The following DYNC1I2 variants were observed in gnomAD, a reference collection of about 807,000 sequenced individuals.
DYNC1I2 encodes dynein cytoplasmic 1 intermediate chain 2, also known as cytoplasmic dynein 1 intermediate chain 2.
Under a neutral mutation model 88.6 loss-of-function variants are expected in DYNC1I2, and 53 were observed. The ratio of observed to expected loss-of-function variants is 0.60; its 90% CI spans 0.48 to 0.75. The LOEUF (loss-of-function observed/expected upper bound fraction) is 0.75, where lower values mean the gene tolerates loss of function less well. Ranked by LOEUF, DYNC1I2 falls within the 30% of genes least tolerant of loss-of-function variation. DYNC1I2 has a pLI of 0.00. For synonymous variants in DYNC1I2, 198 were observed against 254.6 expected, an observed-to-expected ratio of 0.78 and a Z score of 2.12; for missense variants, 458 against 766.6, an observed-to-expected ratio of 0.60 and a Z score of 4.75.
chr2:171,736,864 A>G (rs1326761988), intron 15 of DYNC1I2, among the ~76,000 whole-genome samples: 1 of 152,208 alleles, frequency 6.6e-6, no homozygotes, highest in East Asian at 1.9e-4. Context: ...TCTAGGAAGC[A>G]TCTCACTATT....
At chr2:171,717,869 C>G (rs1008431090) in intron 7 of DYNC1I2, among the ~76,000 whole-genome samples, 4 of 151,536 alleles carry the variant, frequency 2.6e-5, no homozygotes, top group African/African-American at 9.7e-5. Flanking sequence ...TACAATGCAT[C>G]TTGGATTTTT....
chr2:171,741,167 C>T (rs1048778945), intron 15 of DYNC1I2, among the ~76,000 whole-genome samples: 10 of 151,844 alleles, frequency 6.6e-5, no homozygotes, highest in Non-Finnish European at 4.4e-5. Context: ...TGAATGATAC[C>T]CCATTGTATA....
intron 5 of DYNC1I2, among the ~76,000 whole-genome samples, chr2:171,712,221 T>C (rs1574554452): frequency 6.6e-6 from 1 of 152,200 alleles, no homozygotes; most frequent in Non-Finnish European, 1.5e-5. Flanking sequence ...TTGGAAACTT[T>C]AGCTATTTTG....
intron 15 of DYNC1I2, among the ~76,000 whole-genome samples, chr2:171,732,485 C>T (rs1288227451): frequency 6.6e-6 from 1 of 152,156 alleles, no homozygotes; most frequent in Non-Finnish European, 1.5e-5. Flanking sequence ...ATAAATGCCA[C>T]AGGGATTTAA....
intron 3 of DYNC1I2, among the ~76,000 whole-genome samples, chr2:171,702,563 C>CTTAT (rs10650147): frequency 0.98 from 148,824 of 152,062 alleles, 72,915 homozygotes; most frequent in Middle Eastern, 1. Flanking sequence ...GAATGTACTC[C>CTTAT]TTATTAAATA....
intron 6 of DYNC1I2, among the ~76,000 whole-genome samples, chr2:171,714,662 C>T (rs1017674496): frequency 6.6e-6 from 1 of 152,122 alleles, no homozygotes; most frequent in Non-Finnish European, 1.5e-5. Context: ...ACAGAAGTGA[C>T]TTTAGTAGAT....
chr2:171,718,386 T>C (rs931900721), intron 7 of DYNC1I2, among the ~76,000 whole-genome samples: 1 of 152,240 alleles, frequency 6.6e-6, no homozygotes, highest in African/African-American at 2.4e-5. Context: ...GATACTGCTG[T>C]GTACAACCCA....
At chr2:171,743,110 T>G (rs956313814) in intron 15 of DYNC1I2, among the ~76,000 whole-genome samples, 1 of 152,190 alleles carries the variant, frequency 6.6e-6, no homozygotes, top group Admixed American at 6.5e-5. Context: ...CAACATAAAT[T>G]GTTGATTAAC....
intron 2 of DYNC1I2, among the ~76,000 whole-genome samples, chr2:171,690,979 C>T (rs563234558): frequency 1.3e-5 from 2 of 152,170 alleles, no homozygotes; most frequent in East Asian, 3.9e-4. Flanking sequence ...TATAATAACT[C>T]ATAAATATGG....
chr2:171,703,075 T>C (rs1388911358), intron 3 of DYNC1I2, among the ~76,000 whole-genome samples: 1 of 152,142 alleles, frequency 6.6e-6, no homozygotes, highest in African/African-American at 2.4e-5. Flanking sequence ...TGTTAGAGAT[T>C]CTTGAGAGCA....
rs1688225130 is a variant in DYNC1I2 at position 171,725,981 on chromosome 2, A to G, written c.670A>G (p.Ser224Gly). ...AATCTTGCACTCTGAGGAATTTTTA[A>G]GTTTCTTTGACCATTCTACAAGAAT... The part of the protein sequence containing the change: ...QQILHSEEFL[S>G]FFDHSTRIVE... Residue 224 changes from serine (S) to glycine (G), a missense_variant, in exon 9 of 18, where the codon AGT (serine) becomes GGT (glycine). Transcript: ENST00000397119. 4 of 1,597,232 alleles carry G rather than the reference A, an allele frequency of 2.5e-6. No homozygotes were observed. Among genetic ancestry groups the G allele is most frequent in the South Asian group, 1.1e-5 (1 of 87,004 alleles).
Position 171,733,459 on chromosome 2 carries a change from C to CTTTTTTTTTT in DYNC1I2, c.1536+3627_1536+3636dup, listed in dbSNP as rs61079902. On this transcript the variant is annotated intron_variant, in intron 15 of 17. Coordinates refer to ENST00000397119, the MANE Select transcript of DYNC1I2 (RefSeq NM_001378.3). ...TTTTTCTCCACAACCTTGCCAGCAT[C>CTTTTTTTTTT]TTTTTTTTTTTTTTTTTTTTTTTTT... is the stretch of plus-strand genomic sequence containing the variant. Among the ~76,000 whole-genome samples, 13 of 55,802 alleles carry CTTTTTTTTTT rather than the reference C, an allele frequency of 2.3e-4. 2 individuals are homozygous for CTTTTTTTTTT. Among genetic ancestry groups the CTTTTTTTTTT allele is most frequent in the East Asian group, 1.4e-3 (2 of 1,460 alleles). The allele number at this position is 55,802 out of a possible 152,430, so 36.6% of individuals were successfully genotyped here.
intron 11 of DYNC1I2, 25 bp from the exon 12 acceptor site, chr2:171,727,795 AG>A: frequency 6.3e-7 from 1 of 1,599,388 alleles, no homozygotes; most frequent in Non-Finnish European, 8.5e-7. Flanking sequence ...TTGAATCTCA[AG>A]TATAAAAATC....
intron 15 of DYNC1I2, among the ~76,000 whole-genome samples, chr2:171,739,360 A>G (rs1402084244): frequency 6.6e-6 from 1 of 152,078 alleles, no homozygotes; most frequent in African/African-American, 2.4e-5. Flanking sequence ...TTATTATGGA[A>G]AATCTCAGAT....
At chr2:171,688,364 G>T (rs925840345) in intron 1 of DYNC1I2, 1 of 152,188 alleles carries the variant, frequency 6.6e-6, no homozygotes, top group African/African-American at 2.4e-5. Flanking sequence ...CTTCTGTGAG[G>T]ATGAGAGGAT....
intron 7 of DYNC1I2, 58 bp from the exon 8 acceptor site, chr2:171,725,560 A>G: frequency 8.9e-7 from 1 of 1,120,432 alleles, no homozygotes. Context: ...TCATTAAAAT[A>G]ATTTATTATA....
At chr2:171,723,436 G>A (rs972889433) in intron 7 of DYNC1I2, among the ~76,000 whole-genome samples, 1 of 152,130 alleles carries the variant, frequency 6.6e-6, no homozygotes, top group African/African-American at 2.4e-5. Flanking sequence ...AGTTGAAATA[G>A]ATGTCCTATT....
chr2:171,712,485 A>T lies in DYNC1I2; in HGVS notation c.336-282A>T, dbSNP rs1303111371. On this transcript the variant is annotated intron_variant, in intron 5 of 17. Transcript: ENST00000397119. Reference sequence around the variant, plus strand: ...GTTGTTCTAAAGCAGATCTATTATTATACAATATTAGTTTCCCATAATCTG... The same window carrying T: ...GTTGTTCTAAAGCAGATCTATTATTTTACAATATTAGTTTCCCATAATCTG... 9.7e-6 allele frequency: 3 copies of T among 309,292 alleles called. No homozygotes were observed. The South Asian group carries it at 3.1e-4, about 32-fold the overall frequency. The allele number at this position is 309,292 out of a possible 1,614,324, so 19.2% of individuals were successfully genotyped here. A position where few individuals can be genotyped will look rare whatever the true frequency, so the allele number is the denominator to read the frequency against.
chr2:171,727,131 A>G (rs1008826135), intron 11 of DYNC1I2, among the ~76,000 whole-genome samples: 1 of 152,108 alleles, frequency 6.6e-6, no homozygotes, highest in Non-Finnish European at 1.5e-5. Flanking sequence ...ATCTCTTATA[A>G]TGTTTAATCA....
Sources: allele counts gnomAD v4.1 joint callset (sites outside exome capture counted in the v4.1 genomes callset), GRCh38; gene constraint gnomAD v4.1.1; transcripts MANE v1.5; gene names NCBI Gene and HGNC (gene_info 2026-07-23, HGNC 2026-07-21).